The following PTPRD variants were observed in gnomAD, a reference collection of about 807,000 sequenced individuals.
PTPRD encodes protein tyrosine phosphatase receptor type D.
PTPRD carries 34 observed loss-of-function variants against 214.5 expected under a neutral mutation model. The observed-to-expected ratio is 0.16, with a 90% CI of 0.12 to 0.21. The LOEUF (loss-of-function observed/expected upper bound fraction) is 0.21, where lower values mean the gene tolerates loss of function less well. Ranked by LOEUF, PTPRD falls within the 10% of genes least tolerant of loss-of-function variation. The pLI, the probability that PTPRD is intolerant of heterozygous loss-of-function variation, is 1.00. For missense variants in PTPRD, 2,545 were observed against 2,398.7 expected, an observed-to-expected ratio of 1.06 and a Z score of -1.27; for synonymous variants, 1,128 against 845.7, an observed-to-expected ratio of 1.33 and a Z score of -5.79.
chr9:9,959,710 C>T (rs1217115836), intron 4 of PTPRD, among the ~76,000 whole-genome samples: 1 of 152,060 alleles, frequency 6.6e-6, no homozygotes, highest in Non-Finnish European at 1.5e-5. Context: ...TTGTTTTCCA[C>T]AGGGTACAGG....
chr9:9,536,987 T>C (rs2076651568), intron 8 of PTPRD, among the ~76,000 whole-genome samples: 1 of 151,950 alleles, frequency 6.6e-6, no homozygotes, highest in South Asian at 2.1e-4. Flanking sequence ...CATCTACTAA[T>C]TGCAGTACCT....
At chr9:10,079,443 T>C (rs1371958271) in intron 3 of PTPRD, among the ~76,000 whole-genome samples, 1 of 152,122 alleles carries the variant, frequency 6.6e-6, no homozygotes, top group African/African-American at 2.4e-5. Flanking sequence ...TGCTGTATTT[T>C]TCCCCTCCCC....
At chr9:8,931,667 T>G (rs1310709579) in intron 11 of PTPRD, among the ~76,000 whole-genome samples, 1 of 152,176 alleles carries the variant, frequency 6.6e-6, no homozygotes, top group Admixed American at 6.5e-5. Flanking sequence ...ATCACGATGA[T>G]GCATGTCTCA....
intron 3 of PTPRD, among the ~76,000 whole-genome samples, chr9:10,182,315 A>C (rs976987130): frequency 1.4e-4 from 22 of 151,726 alleles, no homozygotes; most frequent in Admixed American, 9.9e-4. Context: ...TTACTGCATC[A>C]AAATGATAGA....
At chr9:9,196,118 C>G (rs150503540) in intron 9 of PTPRD, among the ~76,000 whole-genome samples, 1 of 152,168 alleles carries the variant, frequency 6.6e-6, no homozygotes, top group East Asian at 1.9e-4. Context: ...CTTCAATGTT[C>G]TCATATGAAA....
chr9:9,472,099 T>G (rs2094632104), intron 8 of PTPRD, among the ~76,000 whole-genome samples: 1 of 152,150 alleles, frequency 6.6e-6, no homozygotes, highest in East Asian at 1.9e-4. Context: ...TTAAATTTTC[T>G]ATTCTACCTT....
chr9:9,833,680 G>T (rs1018036446), intron 5 of PTPRD, among the ~76,000 whole-genome samples: 4 of 141,526 alleles, frequency 2.8e-5, no homozygotes, highest in Non-Finnish European at 6.1e-5. Flanking sequence ...GTACGCTCCG[G>T]AGAGGGGGGC....
chr9:8,643,998 GC>G (rs1480024876), intron 12 of PTPRD, among the ~76,000 whole-genome samples: 1 of 152,148 alleles, frequency 6.6e-6, no homozygotes, highest in Non-Finnish European at 1.5e-5. Context: ...TTCTGGGACC[GC>G]CCATGGCTGT....
intron 9 of PTPRD, among the ~76,000 whole-genome samples, chr9:9,262,505 G>C (rs1290010247): frequency 6.6e-6 from 1 of 151,118 alleles, no homozygotes; most frequent in Admixed American, 6.6e-5. Flanking sequence ...GTAGCTAAAG[G>C]CTACTATATT....
chr9:9,769,517 G>A (rs1344933626), intron 5 of PTPRD, among the ~76,000 whole-genome samples: 2 of 151,652 alleles, frequency 1.3e-5, no homozygotes, highest in Non-Finnish European at 2.9e-5. Context: ...TAGTAGAGAC[G>A]AGGTTTCACC....
At chr9:8,649,994 T>C (rs1300128300) in intron 12 of PTPRD, among the ~76,000 whole-genome samples, 1 of 152,140 alleles carries the variant, frequency 6.6e-6, no homozygotes, top group African/African-American at 2.4e-5. Context: ...CATGGTTCAC[T>C]GCAGCCTCCA....
intron 2 of PTPRD, among the ~76,000 whole-genome samples, chr9:10,551,945 C>T (rs1010453618): frequency 6.6e-6 from 1 of 152,300 alleles, no homozygotes; most frequent in African/African-American, 2.4e-5. Context: ...GCACATTCAT[C>T]CACTCAGTCG....
chr9:9,636,949 A>C (rs546018931), intron 7 of PTPRD, among the ~76,000 whole-genome samples: 13 of 152,284 alleles, frequency 8.5e-5, no homozygotes, highest in African/African-American at 3.1e-4. Flanking sequence ...TGTATCCTCC[A>C]GAGTTGGGGA....
chr9:8,680,612 A>G (rs989727685), intron 12 of PTPRD, among the ~76,000 whole-genome samples: 2 of 152,194 alleles, frequency 1.3e-5, no homozygotes, highest in Admixed American at 6.5e-5. Context: ...TATACTATAT[A>G]TGATATTAAA....
chr9:10,179,241 T>A (rs2099267691), intron 3 of PTPRD, among the ~76,000 whole-genome samples: 1 of 151,978 alleles, frequency 6.6e-6, no homozygotes, highest in South Asian at 2.1e-4. Flanking sequence ...GAATGCTTTT[T>A]TCAGCTTAAA....
chr9:9,713,392 T>G (rs1196023580), intron 7 of PTPRD, among the ~76,000 whole-genome samples: 1 of 152,202 alleles, frequency 6.6e-6, no homozygotes, highest in Non-Finnish European at 1.5e-5. Context: ...ATATCTAGAC[T>G]CTATGCTATG....
chr9:9,583,025 G>T (rs1014958760), intron 7 of PTPRD, among the ~76,000 whole-genome samples: 1 of 151,992 alleles, frequency 6.6e-6, no homozygotes, highest in Non-Finnish European at 1.5e-5. Context: ...TACAGAAAAT[G>T]TTGCCAATAA....
intron 14 of PTPRD, among the ~76,000 whole-genome samples, chr9:8,565,743 C>A (rs1249302103): frequency 6.6e-6 from 1 of 152,156 alleles, no homozygotes; most frequent in Non-Finnish European, 1.5e-5. Flanking sequence ...AAATATTTCA[C>A]CTTTCTGGCT....
At chr9:10,173,023 T>C (rs1168495711) in intron 3 of PTPRD, among the ~76,000 whole-genome samples, 4 of 152,202 alleles carry the variant, frequency 2.6e-5, no homozygotes, top group Non-Finnish European at 5.9e-5. Flanking sequence ...AGTGAAGCCA[T>C]TGATTGGTGA....
Sources: gnomAD v4.1 joint callset for allele counts (sites outside exome capture counted in the v4.1 genomes callset) on GRCh38, gnomAD v4.1.1 for gene constraint, MANE v1.5 for transcripts, NCBI Gene and HGNC (gene_info 2026-07-23, HGNC 2026-07-21) for gene names.